DIP2C: variants seen among roughly 807,000 people sequenced by gnomAD.
The protein encoded by DIP2C is disco-interacting protein 2 homolog C.
Under a neutral mutation model 192.4 loss-of-function variants are expected in DIP2C, and 33 were observed. The ratio of observed to expected loss-of-function variants is 0.17; its 90% confidence interval spans 0.13 to 0.23. The LOEUF (loss-of-function observed/expected upper bound fraction) is 0.23, where lower values mean the gene tolerates loss of function less well. Among genes scored for constraint, DIP2C ranks in the 10% least tolerant of loss-of-function variants. DIP2C has a pLI of 1.00. For missense variants in DIP2C, 1,537 were observed against 2,110.1 expected (o/e 0.73, Z 5.32); for synonymous variants, 979 against 864.1 (o/e 1.13, Z -2.33).
intron 1 of DIP2C, among the ~76,000 whole-genome samples, chr10:521,230 G>A (rs1300643633): frequency 1.3e-5 from 2 of 152,264 alleles, no homozygotes; most frequent in Middle Eastern, 3.4e-3. Flanking sequence ...CAGAAATGCT[G>A]CAGGCAAATC....
At chr10:425,871 T>G (rs1181600944) in intron 4 of DIP2C, among the ~76,000 whole-genome samples, 2 of 152,252 alleles carry the variant, frequency 1.3e-5, no homozygotes, top group Admixed American at 1.3e-4. Flanking sequence ...TTCCTCAACC[T>G]GTTAAAGCAC....
At chr10:454,293 AT>A (rs1969098472) in intron 3 of DIP2C, among the ~76,000 whole-genome samples, 1 of 142,306 alleles carries the variant, frequency 7.0e-6, no homozygotes. Context: ...TACTACTTAC[AT>A]TTATAGTGTT....
At chr10:465,946 G>T (rs1362535830) in intron 3 of DIP2C, among the ~76,000 whole-genome samples, 1 of 152,102 alleles carries the variant, frequency 6.6e-6, no homozygotes, top group Non-Finnish European at 1.5e-5. Flanking sequence ...TCAATATCGT[G>T]AAAATGGCCA....
At chr10:671,198 G>C (rs529236826) in intron 1 of DIP2C, among the ~76,000 whole-genome samples, 1 of 152,368 alleles carries the variant, frequency 6.6e-6, no homozygotes, top group South Asian at 2.1e-4. Context: ...CCTGACACAG[G>C]CTCAGCACAC....
At position 514,764 on chromosome 10, in the gene DIP2C, A is replaced by G. The variant is rs559030983; in HGVS notation, c.86-28234T>C. On this transcript the variant is annotated intron_variant, in intron 1 of 36. Coordinates refer to ENST00000280886, the MANE Select transcript of DIP2C (RefSeq NM_014974.3). ...GGAGGATGCCCGTATCAACGCCAAC[A>G]TTCACGTAATCACCACCCCCCTTCC... 2.6e-5 allele frequency among the ~76,000 whole-genome samples: 4 copies of G among 151,404 alleles called. No homozygotes were observed. In the East Asian group the frequency reaches 7.9e-4, roughly 30 times the overall value.
chr10:576,637 G>A (rs1393894432), intron 1 of DIP2C, among the ~76,000 whole-genome samples: 1 of 152,218 alleles, frequency 6.6e-6, no homozygotes, highest in Admixed American at 6.5e-5. Flanking sequence ...GGCCAGGGAT[G>A]GTGGCTCAGA....
chr10:333,210 T>C (rs902530804), intron 29 of DIP2C, among the ~76,000 whole-genome samples: 5 of 152,218 alleles, frequency 3.3e-5, no homozygotes, highest in African/African-American at 1.2e-4. Flanking sequence ...GCCTATTCTT[T>C]TTAAAACACC....
At chr10:439,531 C>T (rs1054051854) in intron 4 of DIP2C, among the ~76,000 whole-genome samples, 2 of 152,132 alleles carry the variant, frequency 1.3e-5, no homozygotes, top group African/African-American at 2.4e-5. Context: ...GTGGGAGGAC[C>T]GCCTGAGCCC....
intron 3 of DIP2C, among the ~76,000 whole-genome samples, chr10:443,903 C>G (rs898743240): frequency 1.3e-5 from 2 of 152,126 alleles, no homozygotes; most frequent in African/African-American, 4.8e-5. Context: ...GGCGGGAGTA[C>G]AAAGTATACA....
intron 1 of DIP2C, among the ~76,000 whole-genome samples, chr10:546,649 C>T (rs1003585893): frequency 6.6e-6 from 1 of 152,230 alleles, no homozygotes; most frequent in African/African-American, 2.4e-5. Flanking sequence ...GGACCCTGGT[C>T]GACGGGCCTT....
In DIP2C at chr10:348,674, C is replaced by T. The variant is rs371462104; in HGVS notation, c.3198G>A (p.Ala1066=). ...TVRPPHPQNI[A]TTLPTVKMIV... is the part of the protein sequence containing the mutation. ...TCATCTTGACGGTAGGCAACGTCGT[C>T]GCGATGTTCTGTGGGTGCGGGGGAC... is the stretch of plus-strand genomic sequence containing the variant. Residue 1066 remains alanine (A), a synonymous_variant, in exon 26 of 37, where the codon GCG becomes GCA. Coordinates refer to ENST00000280886, the MANE Select transcript of DIP2C (RefSeq NM_014974.3). 1.2e-6 allele frequency: 2 copies of T among 1,613,588 alleles called. No individual in the cohort carries two copies. The highest frequency in any genetic ancestry group is 1.3e-5 in the African/African-American group (1 of 74,898).
At chr10:558,583 C>CG (rs971505860) in intron 1 of DIP2C, among the ~76,000 whole-genome samples, 57 of 152,026 alleles carry the variant, frequency 3.7e-4, no homozygotes, top group Non-Finnish European at 7.7e-4. Context: ...CATGCCAGTG[C>CG]GGGGGCCCAC....
At position 281,233 on chromosome 10, in the gene DIP2C, G is replaced by C; in HGVS notation, c.4385C>G (p.Ser1462Trp). The C allele has an allele frequency of 1.2e-6, 2 of 1,614,140 alleles. No individual in the cohort carries two copies. The highest frequency in any genetic ancestry group is 1.7e-6 in the Non-Finnish European group (2 of 1,180,030). The change falls in exon 36 of 37, where the codon TCG becomes TGG. Residue 1462 changes from serine to tryptophan, a missense_variant. By Grantham distance (177) the Ser-to-Trp change is radical. This residue lies in a region of DIP2C where 341 missense variants were observed against 551.7 expected (regional missense o/e 0.62). Transcript: ENST00000280886. Reference protein sequence around the residue: ...MRYHPIDIETSVIRAHKSVTE... With the variant: ...MRYHPIDIETWVIRAHKSVTE... The stretch of plus-strand genomic sequence containing the variant: ...AACGCTTTTATGGGCTCTGATGACC[G>C]AGGTCTCAATGTCGATTGGGTGGTA...
At position 414,737 on chromosome 10, in the gene DIP2C, G is replaced by GTATATATATATATATATA. The variant is rs1213629573; in HGVS notation, c.860-628_860-627insTATATATATATATATATA. Among the ~76,000 whole-genome samples, 95 of 55,794 alleles carry GTATATATATATATATATA rather than the reference G, an allele frequency of 1.7e-3. 2 individuals carry two copies. The highest frequency in any genetic ancestry group is 0.015 in the South Asian group (16 of 1,100). 36.6% of individuals were successfully genotyped at this position (55,794 alleles called of 152,430 possible). ...TGTGTGTGTGTGTGTGTGTGTGTGT[G>GTATATATATATATATATA]TGTACATATATATATATATAATGTG... On this transcript the variant is annotated intron_variant, in intron 7 of 36. Coordinates refer to ENST00000280886, the MANE Select transcript of DIP2C (RefSeq NM_014974.3).
rs117942522 is a variant in DIP2C at position 275,015 on chromosome 10, C to G, written c.*2310G>C. On this transcript the variant is annotated 3_prime_UTR_variant, in exon 37 of 37. Transcript: ENST00000280886. ...GTCCACCAACTCTTTTGAGCCTAAACTCTAACTAATCAGAGTTGACAGGAT... is the reference window on the plus strand; with the variant it reads ...GTCCACCAACTCTTTTGAGCCTAAAGTCTAACTAATCAGAGTTGACAGGAT... 6.6e-6 allele frequency: 1 copy of G among 152,338 alleles called. No individual in the cohort carries two copies. Among genetic ancestry groups the G allele is most frequent in the African/African-American group, 2.4e-5 (1 of 41,570 alleles). The allele number at this position is 152,338 out of a possible 1,614,324, so 9.4% of individuals were successfully genotyped here.
Position 682,600 on chromosome 10 carries a change from C to A in DIP2C, c.85+6894G>T, listed in dbSNP as rs146196774. On this transcript the variant is annotated intron_variant, in intron 1 of 36. Coordinates refer to ENST00000280886, the MANE Select transcript of DIP2C (RefSeq NM_014974.3). ...ATTAAAAGAATACAAACTCTATGTA[C>A]GTCATGGCTCAAGGGTTCTAAAATT... 4.5e-3 allele frequency among the ~76,000 whole-genome samples: 692 copies of A among 152,192 alleles called. 10 individuals carry two copies. The highest frequency in any genetic ancestry group is 0.015 in the African/African-American group (631 of 41,510).
At chr10:642,707 G>A (rs146416688) in intron 1 of DIP2C, among the ~76,000 whole-genome samples, 18 of 152,316 alleles carry the variant, frequency 1.2e-4, no homozygotes, top group Admixed American at 1.3e-4. Flanking sequence ...CACCGGCACC[G>A]GGGTCTCACA....
At chr10:546,017 C>G (rs1392089284) in intron 1 of DIP2C, among the ~76,000 whole-genome samples, 15 of 152,138 alleles carry the variant, frequency 9.9e-5, no homozygotes, top group Admixed American at 9.8e-4. Context: ...TGGGCTTATG[C>G]CTGTAATCCC....
chr10:500,178 C>T (rs1845126799), intron 1 of DIP2C, among the ~76,000 whole-genome samples: 1 of 152,264 alleles, frequency 6.6e-6, no homozygotes, highest in African/African-American at 2.4e-5. Flanking sequence ...AATGTGCCAG[C>T]TTCCCTGACA....
Sources: allele counts gnomAD v4.1 joint callset (sites outside exome capture counted in the v4.1 genomes callset), GRCh38; gene constraint gnomAD v4.1.1; regional missense constraint gnomAD v4.1.1; transcripts MANE v1.5; gene names NCBI Gene and HGNC (gene_info 2026-07-23, HGNC 2026-07-21).